IL1R1: variants seen among roughly 807,000 people sequenced by gnomAD.
IL1R1 encodes the protein interleukin-1 receptor type 1.
In IL1R1, 22 loss-of-function variants were observed where a neutral mutation model predicts 50.2. That is an observed-to-expected ratio of 0.44 (90% CI 0.31 to 0.63). The LOEUF is 0.63. IL1R1 is among the 20% of genes least tolerant of loss of function. The pLI is 0.07. For synonymous variants in IL1R1, 251 were observed against 236.7 expected, an observed-to-expected ratio of 1.06 and a Z score of -0.55; for missense variants, 509 against 676.2, an observed-to-expected ratio of 0.75 and a Z score of 2.74.
upstream of IL1R1, among the ~76,000 whole-genome samples, chr2:102,101,095 A>G (rs1017674656): frequency 2.6e-5 from 4 of 152,184 alleles, no homozygotes; most frequent in African/African-American, 9.7e-5. Context: ...GTTACTGTCC[A>G]CACAAGTCAC....
At chr2:102,113,698 T>A (rs559694398) in intron 1 of IL1R1, among the ~76,000 whole-genome samples, 45 of 152,338 alleles carry the variant, frequency 3.0e-4, no homozygotes, top group Non-Finnish European at 5.6e-4. Context: ...GCTGCACCAA[T>A]GACGCTCGGC....
intron 1 of IL1R1, among the ~76,000 whole-genome samples, chr2:102,137,038 C>G (rs910108240): frequency 6.6e-6 from 1 of 152,204 alleles, no homozygotes. Flanking sequence ...ATATTCAAAA[C>G]TAAACCTATT....
intron 1 of IL1R1, among the ~76,000 whole-genome samples, chr2:102,083,085 C>A (rs1239754154): frequency 6.6e-6 from 1 of 152,054 alleles, no homozygotes; most frequent in African/African-American, 2.4e-5. Context: ...GACTTTGCAC[C>A]CCTGATGCTC....
upstream of IL1R1, among the ~76,000 whole-genome samples, chr2:102,103,722 C>T (rs911907746): frequency 3.9e-5 from 6 of 151,972 alleles, no homozygotes; most frequent in African/African-American, 9.7e-5. Context: ...AGGCCAGGTG[C>T]GGTGGCTCAT....
chr2:102,101,338 T>A (rs780284303), upstream of IL1R1, among the ~76,000 whole-genome samples: 6 of 152,232 alleles, frequency 3.9e-5, no homozygotes, highest in Admixed American at 6.5e-5. Context: ...CTTAGCTCTT[T>A]AACCCAGGTC....
At chr2:102,145,626 C>T (rs1683051894) in intron 1 of IL1R1, among the ~76,000 whole-genome samples, 4 of 152,112 alleles carry the variant, frequency 2.6e-5, no homozygotes, top group Non-Finnish European at 4.4e-5. Flanking sequence ...AAAACAAGAG[C>T]GGAGATGAAG....
At chr2:102,106,528 G>A (rs373332015) in intron 1 of IL1R1, among the ~76,000 whole-genome samples, 9 of 152,158 alleles carry the variant, frequency 5.9e-5, no homozygotes, top group African/African-American at 1.9e-4. Flanking sequence ...AAAGAATAGC[G>A]AGGGTATACT....
At chr2:102,073,337 A>T (rs566785623) in intron 1 of IL1R1, among the ~76,000 whole-genome samples, 1 of 152,144 alleles carries the variant, frequency 6.6e-6, no homozygotes, top group Non-Finnish European at 1.5e-5. Flanking sequence ...TAAACAAACA[A>T]ACTCATCTGG....
rs761337171 is a variant in IL1R1 at position 102,175,484 on chromosome 2, A to G, written c.1142A>G (p.Asp381Gly). 1 of 1,612,802 alleles carries G rather than the reference A, an allele frequency of 6.2e-7. No individual in the cohort carries two copies. Among genetic ancestry groups the G allele is most frequent in the Non-Finnish European group, 8.5e-7 (1 of 1,178,876 alleles). ...CATTATGTTTTTCCTTTAGCTTCAGATGGAAAGACCTATGACGCATATATA... is the reference window on the plus strand; with the variant it reads ...CATTATGTTTTTCCTTTAGCTTCAGGTGGAAAGACCTATGACGCATATATA... Reference protein sequence around the residue: ...CYDFLPIKASDGKTYDAYILY... With the variant: ...CYDFLPIKASGGKTYDAYILY... The change falls in exon 11 of 12, where the codon GAT (aspartate) becomes GGT (glycine). Residue 381 changes from aspartate (D) to glycine (G), a missense_variant. By Grantham distance (94) the Asp-to-Gly change is moderately conservative. Coordinates refer to ENST00000410023, the MANE Select transcript of IL1R1 (RefSeq NM_000877.4).
exon 1 of IL1R1, chr2:102,104,866 G>A (rs556193876): frequency 1.2e-4 from 18 of 152,290 alleles, no homozygotes; most frequent in African/African-American, 3.9e-4. Flanking sequence ...GATGAAGAAC[G>A]GAGACGGTAA....
rs1329165390 is a variant in IL1R1 at position 102,079,164 on chromosome 2, C to G, written c.-84+8631C>G. Among the ~76,000 whole-genome samples, 6 of 152,280 alleles carry G rather than the reference C, an allele frequency of 3.9e-5. No individual in the cohort carries two copies. The South Asian group carries it at 1.2e-3, about 32-fold the overall frequency. On this transcript the variant is annotated intron_variant, in intron 1 of 11. Coordinates refer to the IL1R1 transcript ENST00000409929. ...AAAAAACCCCACAGCTAACATTATA[C>G]TTAATGATCAAAGACCAGTAGCTTT...
chr2:102,159,225 C>T (rs373804508), intron 3 of IL1R1, among the ~76,000 whole-genome samples: 1 of 152,098 alleles, frequency 6.6e-6, no homozygotes, highest in Non-Finnish European at 1.5e-5. Context: ...CCTCAGCAAG[C>T]GGCTGGTATG....
chr2:102,140,782 T>C (rs1315430107), upstream of IL1R1, among the ~76,000 whole-genome samples: 1 of 152,054 alleles, frequency 6.6e-6, no homozygotes, highest in East Asian at 1.9e-4. Context: ...TCAGGATGGC[T>C]GAGTGAGGGA....
At chr2:102,080,719 A>C (rs1679167277) in intron 1 of IL1R1, among the ~76,000 whole-genome samples, 1 of 152,212 alleles carries the variant, frequency 6.6e-6, no homozygotes, top group Admixed American at 6.5e-5. Flanking sequence ...CTAGGTATCT[A>C]TGTGACATAA....
At chr2:102,135,012 T>C (rs1577925312) in intron 1 of IL1R1, among the ~76,000 whole-genome samples, 1 of 152,196 alleles carries the variant, frequency 6.6e-6, no homozygotes, top group Non-Finnish European at 1.5e-5. Context: ...ACAGCTAATA[T>C]GTCAAAGGAA....
chr2:102,108,149 A>G (rs1339081410), intron 1 of IL1R1, among the ~76,000 whole-genome samples: 4 of 152,032 alleles, frequency 2.6e-5, no homozygotes, highest in Admixed American at 2.6e-4. Flanking sequence ...TCTAAAATAT[A>G]TAGTTTCTGG....
At chr2:102,170,070 A>C (rs912849217) in intron 7 of IL1R1, among the ~76,000 whole-genome samples, 2 of 152,338 alleles carry the variant, frequency 1.3e-5, no homozygotes, top group Non-Finnish European at 2.9e-5. Context: ...CCTAGGCTGC[A>C]TTGATCTCTC....
chr2:102,119,506 A>C (rs1681284376), intron 1 of IL1R1, among the ~76,000 whole-genome samples: 1 of 152,240 alleles, frequency 6.6e-6, no homozygotes, highest in African/African-American at 2.4e-5. Context: ...ACAGTTTGGG[A>C]AGGATCCCTG....
intron 1 of IL1R1, among the ~76,000 whole-genome samples, chr2:102,091,324 T>G (rs1319796185): frequency 1.3e-5 from 2 of 152,232 alleles, no homozygotes; most frequent in African/African-American, 4.8e-5. Context: ...TGACAAACAT[T>G]GCCTCTTTAT....
Sources: gnomAD v4.1 joint callset for allele counts (sites outside exome capture counted in the v4.1 genomes callset) on GRCh38, gnomAD v4.1.1 for gene constraint, MANE v1.5 for transcripts, NCBI Gene and HGNC (gene_info 2026-07-23, HGNC 2026-07-21) for gene names.